The following SPOCK1 variants were observed in gnomAD, a reference collection of about 807,000 sequenced individuals.
The protein encoded by SPOCK1 is SPARC (osteonectin), cwcv and kazal like domains proteoglycan 1, also known as testican-1.
SPOCK1 carries 23 observed loss-of-function variants against 55.3 expected under a neutral mutation model. The observed-to-expected ratio is 0.42, with a 90% confidence interval of 0.30 to 0.59. SPOCK1 has a LOEUF of 0.59. SPOCK1 is among the 20% of genes least tolerant of loss of function. The pLI, the probability that SPOCK1 is intolerant of heterozygous loss-of-function variation, is 0.22. For synonymous variants in SPOCK1, 226 were observed against 221.0 expected, an observed-to-expected ratio of 1.02 and a Z score of -0.20; for missense variants, 499 against 552.5, an observed-to-expected ratio of 0.90 and a Z score of 0.97.
chr5:136,979,350 G>C lies in SPOCK1; in HGVS notation c.1111C>G (p.Gln371Glu). The C allele has an allele frequency of 6.2e-7, 1 of 1,614,110 alleles. No homozygotes were observed. The highest frequency in any genetic ancestry group is 8.5e-7 in the Non-Finnish European group (1 of 1,179,984). The change falls in exon 10 of 11, where the codon CAG becomes GAG. Residue 371 changes from glutamine (Q) to glutamate (E), a missense_variant. Physicochemically the swap from Gln to Glu is conservative, Grantham distance 29 (BLOSUM62 2). Transcript: ENST00000394945. Reference sequence around the variant, plus strand: ...TACTCACCACAGCTCACAGCACCCTGTTTCCTGGAGCCAGCCAACTCATTC... The same window carrying C: ...TACTCACCACAGCTCACAGCACCCTCTTTCCTGGAGCCAGCCAACTCATTC... Reference protein sequence around the residue: ...YGNELAGSRKQGAVSCEEEQE... With the variant: ...YGNELAGSRKEGAVSCEEEQE...
chr5:137,496,726 A>G (rs963151513), intron 2 of SPOCK1, among the ~76,000 whole-genome samples: 1 of 152,218 alleles, frequency 6.6e-6, no homozygotes. Context: ...AAGGTAATCA[A>G]TGAAGGATTC....
chr5:137,136,101 A>C, intron 4 of SPOCK1, among the ~76,000 whole-genome samples: 1 of 152,140 alleles, frequency 6.6e-6, no homozygotes, highest in East Asian at 1.9e-4. Flanking sequence ...ATGAAGTCTA[A>C]TTTGTTGCTT....
intron 2 of SPOCK1, among the ~76,000 whole-genome samples, chr5:137,456,817 TCTATGAAA>T (rs1171002087): frequency 6.6e-6 from 1 of 152,224 alleles, no homozygotes; most frequent in Non-Finnish European, 1.5e-5. Flanking sequence ...ATAAATTTTA[TCTATGAAA>T]CTATAATCAT....
chr5:137,114,895 G>T (rs1466669213), intron 4 of SPOCK1, among the ~76,000 whole-genome samples: 1 of 152,214 alleles, frequency 6.6e-6, no homozygotes, highest in African/African-American at 2.4e-5. Context: ...GGGCAGCTTT[G>T]CTGGAGCAGA....
rs564353253 is a variant in SPOCK1, at chr5:137,067,648, G to A, written c.589+67C>T. The A allele has an allele frequency of 1.7e-4, 226 of 1,367,654 alleles. 2 individuals are homozygous for A. In the South Asian group the frequency reaches 2.0e-3, roughly 12 times the overall value. 84.7% of individuals were successfully genotyped at this position (1,367,654 alleles called of 1,614,324 possible). On this transcript the variant is annotated intron_variant, in intron 6 of 10. Coordinates refer to ENST00000394945, the MANE Select transcript of SPOCK1 (RefSeq NM_004598.4). ...GTTCCTAGTGCCTGGGACAGAGCTC[G>A]GCCACATCAACCCTCTGTGACCCCC... is the stretch of plus-strand genomic sequence containing the variant.
chr5:137,375,574 G>A (rs1162783152), intron 2 of SPOCK1, among the ~76,000 whole-genome samples: 4 of 152,132 alleles, frequency 2.6e-5, no homozygotes, highest in East Asian at 1.9e-4. Flanking sequence ...TTTTCTGTAC[G>A]TGTATTATAC....
Position 137,271,276 on chromosome 5 carries a change from T to C in SPOCK1, c.187-4221A>G, listed in dbSNP as rs1044313796. 2.6e-5 allele frequency among the ~76,000 whole-genome samples: 4 copies of C among 151,474 alleles called. No homozygotes were observed. The East Asian group carries it at 7.7e-4, about 29-fold the overall frequency. ...AACCTGTGAAATTATTGGCACTCGA[T>C]GGCTGGTGCAAAGGAATTTAACTAT... On this transcript the variant is annotated intron_variant, in intron 2 of 10. Coordinates refer to ENST00000394945, the MANE Select transcript of SPOCK1 (RefSeq NM_004598.4).
intron 2 of SPOCK1, among the ~76,000 whole-genome samples, chr5:137,351,760 A>G (rs1307788204): frequency 6.6e-6 from 1 of 152,244 alleles, no homozygotes; most frequent in Non-Finnish European, 1.5e-5. Context: ...TTAAGATAGC[A>G]CCCTTTAAAA....
chr5:137,054,467 T>G (rs764027923), intron 6 of SPOCK1, among the ~76,000 whole-genome samples: 1 of 152,212 alleles, frequency 6.6e-6, no homozygotes, highest in Non-Finnish European at 1.5e-5. Context: ...GGAGTCTTCC[T>G]GTACAAGACA....
intron 2 of SPOCK1, among the ~76,000 whole-genome samples, chr5:137,270,985 C>T (rs537661513): frequency 2.0e-5 from 3 of 150,352 alleles, no homozygotes; most frequent in African/African-American, 7.4e-5. Context: ...CTGGACAAGA[C>T]GGAGCAAGAC....
chr5:137,106,962 C>T (rs1468294), intron 5 of SPOCK1, among the ~76,000 whole-genome samples: 20,448 of 152,052 alleles, frequency 0.13, 1,544 homozygotes, highest in East Asian at 0.23. Context: ...ACCCCCTCCT[C>T]CCTGACTGAA....
At chr5:137,220,777 T>C (rs1192697675) in intron 3 of SPOCK1, among the ~76,000 whole-genome samples, 2 of 152,174 alleles carry the variant, frequency 1.3e-5, no homozygotes, top group African/African-American at 2.4e-5. Flanking sequence ...AATAGGTAGG[T>C]GAGTGAGTGA....
chr5:137,149,736 G>A (rs1436408565), intron 3 of SPOCK1, among the ~76,000 whole-genome samples: 1 of 152,200 alleles, frequency 6.6e-6, no homozygotes, highest in Non-Finnish European at 1.5e-5. Context: ...GATCATGTAA[G>A]GATTGGGAAA....
intron 2 of SPOCK1, among the ~76,000 whole-genome samples, chr5:137,299,110 T>C (rs1019817060): frequency 8.5e-5 from 13 of 152,176 alleles, no homozygotes; most frequent in African/African-American, 2.7e-4. Flanking sequence ...TTTTAATTCT[T>C]ATACTGTCTA....
chr5:137,285,172 T>C (rs571254063), intron 2 of SPOCK1, among the ~76,000 whole-genome samples: 23 of 152,364 alleles, frequency 1.5e-4, no homozygotes, highest in Admixed American at 1.4e-3. Context: ...GGGGCCCGTC[T>C]CACTAAAATT....
intron 3 of SPOCK1, among the ~76,000 whole-genome samples, chr5:137,212,327 T>A (rs1580810022): frequency 6.6e-6 from 1 of 152,180 alleles, no homozygotes; most frequent in Non-Finnish European, 1.5e-5. Context: ...CAGGGCTTTT[T>A]TTTTAATGCT....
intron 3 of SPOCK1, among the ~76,000 whole-genome samples, chr5:137,163,794 T>C (rs1230204925): frequency 6.6e-6 from 1 of 152,212 alleles, no homozygotes; most frequent in Non-Finnish European, 1.5e-5. Context: ...GTATGGCAGC[T>C]ACTTCAGGAC....
chr5:137,133,488 CAT>C (rs1753923088), intron 4 of SPOCK1, among the ~76,000 whole-genome samples: 1 of 152,108 alleles, frequency 6.6e-6, no homozygotes, highest in Admixed American at 6.5e-5. Flanking sequence ...AAAAATTCCA[CAT>C]AATTATTCAC....
chr5:137,208,180 G>A (rs1235979340), intron 3 of SPOCK1, among the ~76,000 whole-genome samples: 2 of 152,062 alleles, frequency 1.3e-5, no homozygotes, highest in African/African-American at 2.4e-5. Flanking sequence ...TTCTATTTAC[G>A]AGTAGAAGGA....
Sources: gnomAD v4.1 joint callset for allele counts (sites outside exome capture counted in the v4.1 genomes callset) on GRCh38, gnomAD v4.1.1 for gene constraint, MANE v1.5 for transcripts, NCBI Gene and HGNC (gene_info 2026-07-23, HGNC 2026-07-21) for gene names.